USP12: variants seen among roughly 807,000 people sequenced by gnomAD.
USP12 encodes the protein ubiquitin specific peptidase 12.
USP12 carries 19 observed loss-of-function variants against 45.5 expected under a neutral mutation model. That is an observed-to-expected ratio of 0.42 (90% CI 0.29 to 0.61). The LOEUF (loss-of-function observed/expected upper bound fraction) is 0.61, where lower values mean the gene tolerates loss of function less well. Ranked by LOEUF, USP12 falls within the 20% of genes least tolerant of loss-of-function variation. The probability of loss-of-function intolerance (pLI) is 0.22; values close to 1 mark genes in which losing one functional copy is unlikely to be tolerated. For missense variants in USP12, 242 were observed against 447.7 expected (o/e 0.54, Z 4.15); for synonymous variants, 149 against 148.8 (o/e 1.00, Z -0.01).
chr13:27,068,562 A>T lies in USP12; in HGVS notation c.*721T>A, dbSNP rs1873097196. ...TATGTTCAAATTTACTGACAGAATC[A>T]TGGGCACTTCATATAATACTTAGAC... On this transcript the variant is annotated 3_prime_UTR_variant, in exon 9 of 9. Coordinates refer to ENST00000282344, the MANE Select transcript of USP12 (RefSeq NM_182488.4). The T allele has an allele frequency of 6.6e-6, 1 of 152,248 alleles. No individual in the cohort carries two copies. The highest frequency in any genetic ancestry group is 1.5e-5 in the Non-Finnish European group (1 of 68,042). The allele number at this position is 152,248 out of a possible 1,614,324, so 9.4% of individuals were successfully genotyped here.
intron 1 of USP12, among the ~76,000 whole-genome samples, chr13:27,160,862 A>G (rs554627835): frequency 1.3e-5 from 2 of 151,482 alleles, no homozygotes; most frequent in African/African-American, 4.9e-5. Context: ...AGGTAAACGT[A>G]TCATGGTGGT....
At chr13:27,116,819 A>G (rs545465398) in intron 1 of USP12, among the ~76,000 whole-genome samples, 17 of 152,308 alleles carry the variant, frequency 1.1e-4, no homozygotes, top group Admixed American at 1.1e-3. Flanking sequence ...TTGCCTAGAA[A>G]ATACAGGAAC....
chr13:27,109,682 C>G (rs1473350215), intron 2 of USP12, among the ~76,000 whole-genome samples: 1 of 151,914 alleles, frequency 6.6e-6, no homozygotes. Context: ...CTTTGGGAGG[C>G]CGAGGTGGGT....
intron 1 of USP12, among the ~76,000 whole-genome samples, chr13:27,167,701 A>G (rs1343964989): frequency 6.6e-6 from 1 of 151,912 alleles, no homozygotes; most frequent in Non-Finnish European, 1.5e-5. Flanking sequence ...TATTTTATTA[A>G]TAAAAGAACT....
chr13:27,087,634 T>C (rs1031709430), intron 6 of USP12, among the ~76,000 whole-genome samples: 2 of 152,234 alleles, frequency 1.3e-5, no homozygotes, highest in Non-Finnish European at 2.9e-5. Context: ...TACAAGGTCC[T>C]AGTTTATTGT....
chr13:27,111,229 T>C (rs1875430523), intron 2 of USP12, among the ~76,000 whole-genome samples: 1 of 152,222 alleles, frequency 6.6e-6, no homozygotes, highest in African/African-American at 2.4e-5. Flanking sequence ...TCAATCTTTT[T>C]AATAATTTTG....
intron 1 of USP12, among the ~76,000 whole-genome samples, chr13:27,123,648 C>G (rs1341533506): frequency 6.6e-6 from 1 of 152,172 alleles, no homozygotes; most frequent in African/African-American, 2.4e-5. Flanking sequence ...CTCATGAGAT[C>G]TGATGATTTT....
At chr13:27,128,306 C>T (rs1282440050) in intron 1 of USP12, among the ~76,000 whole-genome samples, 2 of 152,208 alleles carry the variant, frequency 1.3e-5, no homozygotes, top group African/African-American at 4.8e-5. Context: ...CCAAGAACCA[C>T]TCTGTCAAGC....
At chr13:27,104,654 C>T (rs488218) in intron 3 of USP12, among the ~76,000 whole-genome samples, 134,068 of 152,240 alleles carry the variant, frequency 0.88, 59,524 homozygotes, top group East Asian at 1. Flanking sequence ...CTTCAACAAA[C>T]GTATCAAATT....
intron 1 of USP12, among the ~76,000 whole-genome samples, chr13:27,164,958 T>C (rs1279866752): frequency 4.6e-5 from 7 of 151,900 alleles, no homozygotes; most frequent in Admixed American, 4.6e-4. Flanking sequence ...AATATAATAA[T>C]ATGGCCTCAG....
intron 1 of USP12, among the ~76,000 whole-genome samples, chr13:27,121,480 A>G (rs75489155): frequency 6.6e-6 from 1 of 152,236 alleles, no homozygotes; most frequent in African/African-American, 2.4e-5. Flanking sequence ...ATTTGAGTTC[A>G]TAAGTCAAAA....
chr13:27,113,892 C>A (rs1458579020), intron 2 of USP12, among the ~76,000 whole-genome samples: 1 of 152,090 alleles, frequency 6.6e-6, no homozygotes, highest in Non-Finnish European at 1.5e-5. Context: ...GCCTAATGAA[C>A]TTTATAACCC....
intron 6 of USP12, among the ~76,000 whole-genome samples, chr13:27,087,251 ATGTGTGTG>A (rs55816785): frequency 0.029 from 4,146 of 143,980 alleles, 97 homozygotes; most frequent in African/African-American, 0.059. Flanking sequence ...GTGGGGAGGG[ATGTGTGTG>A]TGTGTGTGTG....
intron 6 of USP12, among the ~76,000 whole-genome samples, chr13:27,080,047 A>C (rs1444002066): frequency 6.6e-6 from 1 of 152,210 alleles, no homozygotes; most frequent in East Asian, 1.9e-4. Flanking sequence ...CATGTGTTAA[A>C]ATGGGGGATG....
At chr13:27,117,783 CGT>C (rs1875812618) in intron 1 of USP12, 1 of 518,116 alleles carries the variant, frequency 1.9e-6, no homozygotes, top group African/African-American at 1.9e-5. Context: ...ACAATCATAG[CGT>C]GTCACAGTTT....
intron 1 of USP12, among the ~76,000 whole-genome samples, chr13:27,162,111 A>AGC (rs1878136332): frequency 6.6e-6 from 1 of 152,180 alleles, no homozygotes; most frequent in Non-Finnish European, 1.5e-5. Flanking sequence ...TTAAGAGGGC[A>AGC]TGGAGTCTTA....
rs139758867 is a variant in USP12, at chr13:27,094,664, T to A, written c.573+937A>T. Reference sequence around the variant, plus strand: ...TATTATTAGCCATGAATGCATAACCTGCATCTAGTTAGGAAGAAACATCAG... The same window carrying A: ...TATTATTAGCCATGAATGCATAACCAGCATCTAGTTAGGAAGAAACATCAG... On this transcript the variant is annotated intron_variant, in intron 4 of 8. Coordinates refer to ENST00000282344, the MANE Select transcript of USP12 (RefSeq NM_182488.4). Among the ~76,000 whole-genome samples, 25 of 151,520 alleles carry A rather than the reference T, an allele frequency of 1.6e-4. 1 individual carries two copies. The highest frequency in any genetic ancestry group is 5.8e-4 in the African/African-American group (24 of 41,262).
chr13:27,092,123 C>T (rs1593179634), intron 4 of USP12, among the ~76,000 whole-genome samples: 1 of 151,732 alleles, frequency 6.6e-6, no homozygotes, highest in Non-Finnish European at 1.5e-5. Context: ...GTGCTTAGCA[C>T]CCCCCAAAAT....
chr13:27,170,359 C>T (rs905427800), intron 1 of USP12: 11 of 398,506 alleles, frequency 2.8e-5, no homozygotes, highest in Non-Finnish European at 4.9e-5. Flanking sequence ...AATGTACCAC[C>T]CTTAGATGGA....
Sources: gnomAD v4.1 joint callset for allele counts (sites outside exome capture counted in the v4.1 genomes callset) on GRCh38, gnomAD v4.1.1 for gene constraint, MANE v1.5 for transcripts, NCBI Gene and HGNC (gene_info 2026-07-23, HGNC 2026-07-21) for gene names.